ZFYVE9: variants seen among roughly 807,000 people sequenced by gnomAD.
ZFYVE9 encodes the protein zinc finger FYVE domain-containing protein 9.
A neutral mutation model predicts 126.7 loss-of-function variants in ZFYVE9; 43 were observed. The observed-to-expected ratio is 0.34, with a 90% CI of 0.27 to 0.44. ZFYVE9 has a LOEUF of 0.44. ZFYVE9 is among the 20% of genes least tolerant of loss of function. The pLI is 1.00. For missense variants in ZFYVE9, 1,476 were observed against 1,697.0 expected, an observed-to-expected ratio of 0.87 and a Z score of 2.29; for synonymous variants, 521 against 597.4, an observed-to-expected ratio of 0.87 and a Z score of 1.87.
intron 1 of ZFYVE9, among the ~76,000 whole-genome samples, chr1:52,179,088 GA>G (rs1644669950): frequency 6.6e-6 from 1 of 152,196 alleles, no homozygotes; most frequent in Non-Finnish European, 1.5e-5. Context: ...ATAGATGTGA[GA>G]CACTGTGCCT....
In ZFYVE9 at chr1:52,281,692, C is replaced by G. The variant is rs758144875; in HGVS notation, c.2901C>G (p.Thr967=). The G allele has an allele frequency of 1.3e-5, 21 of 1,613,984 alleles. No homozygotes were observed. The highest frequency in any genetic ancestry group is 1.7e-5 in the Non-Finnish European group (20 of 1,179,984). ...YVNRKCWCFT[T]KGMHAVGQSE... ...ACAGGAAGTGCTGGTGTTTCACAAC[C>G]AAGGGAATGCATGCAGTGGGTCAGT... Residue 967 remains threonine (T), a synonymous_variant, in exon 10 of 19, where the codon ACC becomes ACG. Transcript: ENST00000287727.
At chr1:52,172,350 A>C (rs1237353187) in intron 1 of ZFYVE9, among the ~76,000 whole-genome samples, 1 of 152,118 alleles carries the variant, frequency 6.6e-6, no homozygotes, top group Non-Finnish European at 1.5e-5. Context: ...GTTCTGTTCC[A>C]TTGATCTATA....
intron 13 of ZFYVE9, among the ~76,000 whole-genome samples, chr1:52,330,956 TG>T (rs1360263964): frequency 6.6e-6 from 1 of 152,146 alleles, no homozygotes; most frequent in Non-Finnish European, 1.5e-5. Context: ...AGCCTCCACC[TG>T]TTGGGGTAAA....
intron 1 of ZFYVE9, among the ~76,000 whole-genome samples, chr1:52,182,914 A>G (rs1044169866): frequency 8.3e-4 from 126 of 152,246 alleles, no homozygotes; most frequent in African/African-American, 2.9e-3. Flanking sequence ...TTTTTGACAT[A>G]TAACTATAAA....
chr1:52,231,443 A>G (rs2124619090), intron 2 of ZFYVE9, among the ~76,000 whole-genome samples: 1 of 151,988 alleles, frequency 6.6e-6, no homozygotes, highest in South Asian at 2.1e-4. Context: ...GCTTGAATCC[A>G]GGAGGGGGAG....
At chr1:52,212,074 C>T (rs1645033517) in intron 1 of ZFYVE9, among the ~76,000 whole-genome samples, 1 of 152,150 alleles carries the variant, frequency 6.6e-6, no homozygotes. Flanking sequence ...GGGAGATAAT[C>T]TTTTTAGATC....
chr1:52,217,522 G>T (rs182925065), intron 2 of ZFYVE9, among the ~76,000 whole-genome samples: 237 of 152,272 alleles, frequency 1.6e-3, no homozygotes, highest in Non-Finnish European at 1.7e-3. Flanking sequence ...GAGTACGGAG[G>T]GGGAGAGGTT....
chr1:52,304,035 T>C, intron 13 of ZFYVE9, 110 bp downstream of exon 13: 1 of 639,886 alleles, frequency 1.6e-6, no homozygotes, highest in Non-Finnish European at 2.4e-6. Flanking sequence ...ATGAAATCAG[T>C]TAATAATATT....
At chr1:52,292,557 C>T (rs539152883) in intron 10 of ZFYVE9, among the ~76,000 whole-genome samples, 11 of 150,404 alleles carry the variant, frequency 7.3e-5, no homozygotes, top group African/African-American at 9.8e-5. Flanking sequence ...CTGCAACCTC[C>T]GCCTCCCAGG....
Position 52,293,504 on chromosome 1 carries a change from G to T in ZFYVE9, c.3077G>T (p.Gly1026Val). ...TCCTTCTTCAGTCAAAGTTTCCTTGGCAGTAAAGAACATGGTGGATTCTTA... is the reference window on the plus strand; with the variant it reads ...TCCTTCTTCAGTCAAAGTTTCCTTGTCAGTAAAGAACATGGTGGATTCTTA... ...GHSFFSQSFL[G>V]SKEHGGFLYV... is the part of the protein sequence containing the mutation. The change falls in exon 11 of 19, where the codon GGC becomes GTC. Residue 1026 changes from glycine to valine, a missense_variant. Gly to Val is a moderately radical substitution (Grantham distance 109). Transcript: ENST00000287727. 1 of 1,613,934 alleles carries T rather than the reference G, an allele frequency of 6.2e-7. No homozygotes were observed. The highest frequency in any genetic ancestry group is 8.5e-7 in the Non-Finnish European group (1 of 1,180,012).
intron 1 of ZFYVE9, chr1:52,160,396 C>T (rs1644445529): frequency 9.1e-7 from 1 of 1,101,244 alleles, no homozygotes; most frequent in Non-Finnish European, 1.4e-6. Flanking sequence ...CAGACACCAA[C>T]TTTGGGACAC....
At chr1:52,167,593 C>T (rs1644525711) in intron 1 of ZFYVE9, among the ~76,000 whole-genome samples, 2 of 152,082 alleles carry the variant, frequency 1.3e-5, no homozygotes, top group South Asian at 2.1e-4. Context: ...AGTACAAAAA[C>T]GTATACAAAT....
At chr1:52,150,737 A>G (rs1312377119) in intron 1 of ZFYVE9, among the ~76,000 whole-genome samples, 1 of 151,800 alleles carries the variant, frequency 6.6e-6, no homozygotes, top group Non-Finnish European at 1.5e-5. Flanking sequence ...ACGCCACTGC[A>G]CGCCAGCCTG....
At chr1:52,296,507 C>T (rs148936875) in intron 12 of ZFYVE9, among the ~76,000 whole-genome samples, 1 of 151,996 alleles carries the variant, frequency 6.6e-6, no homozygotes, top group African/African-American at 2.4e-5. Context: ...TTCCTTTCTT[C>T]TGGGCTCTCT....
rs1353309365 is a variant in ZFYVE9 at position 52,206,258 on chromosome 1, C to T, written c.-142-10111C>T. Among the ~76,000 whole-genome samples, 4 of 152,166 alleles carry T rather than the reference C, an allele frequency of 2.6e-5. No individual in the cohort carries two copies. The East Asian group carries it at 5.8e-4, about 22-fold the overall frequency. ...GGCTAATAAACTGGTTAGGAGCTCA[C>T]ACCAGGCTAATAAACTGGTTAGGTG... On this transcript the variant is annotated intron_variant, in intron 1 of 18. Coordinates refer to ENST00000287727, the MANE Select transcript of ZFYVE9 (RefSeq NM_004799.4).
At chr1:52,279,238 A>C (rs1260177182) in intron 9 of ZFYVE9, among the ~76,000 whole-genome samples, 2 of 152,174 alleles carry the variant, frequency 1.3e-5, no homozygotes, top group African/African-American at 2.4e-5. Context: ...ATGTTAAATC[A>C]CAACTTACCA....
chr1:52,311,421 C>T (rs1241037974), intron 13 of ZFYVE9, among the ~76,000 whole-genome samples: 4 of 151,874 alleles, frequency 2.6e-5, no homozygotes, highest in African/African-American at 7.3e-5. Flanking sequence ...TGCACCACCA[C>T]GCCCAGCTAA....
chr1:52,252,526 A>AT (rs1409120540), intron 4 of ZFYVE9: 1 of 173,894 alleles, frequency 5.8e-6, no homozygotes, highest in Non-Finnish European at 1.2e-5. Context: ...CACCCAGCTA[A>AT]TTTTTTGTAT....
At chr1:52,278,410 A>G in intron 8 of ZFYVE9, 82 bp from the exon 9 acceptor site, 1 of 1,549,838 alleles carries the variant, frequency 6.5e-7, no homozygotes, top group South Asian at 1.1e-5. Flanking sequence ...TTTTCTGTGA[A>G]TAATTAGCTC....
Sources: allele counts gnomAD v4.1 joint callset (sites outside exome capture counted in the v4.1 genomes callset), GRCh38; gene constraint gnomAD v4.1.1; transcripts MANE v1.5; gene names NCBI Gene and HGNC (gene_info 2026-07-23, HGNC 2026-07-21).